Variants in ERBB4 observed in about 807,000 individuals in gnomAD.
The protein encoded by ERBB4 is erb-b2 receptor tyrosine kinase 4, also known as receptor tyrosine-protein kinase erbB-4.
ERBB4 carries 42 observed loss-of-function variants against 158.0 expected under a neutral mutation model. The ratio of observed to expected loss-of-function variants is 0.27; its 90% CI spans 0.21 to 0.34. The LOEUF (loss-of-function observed/expected upper bound fraction) is 0.34. Among genes scored for constraint, ERBB4 ranks in the 10% least tolerant of loss-of-function variants. The probability of loss-of-function intolerance (pLI) is 1.00; values close to 1 mark genes in which losing one functional copy is unlikely to be tolerated. For synonymous variants in ERBB4, 583 were observed against 558.7 expected (o/e 1.04, Z -0.61); for missense variants, 1,333 against 1,624.1 (o/e 0.82, Z 3.08).
At chr2:212,157,261 C>G (rs1443631645) in intron 1 of ERBB4, among the ~76,000 whole-genome samples, 2 of 152,058 alleles carry the variant, frequency 1.3e-5, no homozygotes, top group East Asian at 3.9e-4. Flanking sequence ...TGACTAACCT[C>G]AGCTGATGTC....
intron 14 of ERBB4, among the ~76,000 whole-genome samples, chr2:211,672,620 G>T (rs1339499100): frequency 6.6e-6 from 1 of 152,058 alleles, no homozygotes; most frequent in Non-Finnish European, 1.5e-5. Context: ...CTTTCACAGT[G>T]CCACAACAGT....
chr2:212,211,970 C>A (rs1429399329), intron 1 of ERBB4, among the ~76,000 whole-genome samples: 1 of 152,084 alleles, frequency 6.6e-6, no homozygotes, highest in African/African-American at 2.4e-5. Context: ...CAGTGATGGG[C>A]ATTTGGGTTG....
intron 25 of ERBB4, among the ~76,000 whole-genome samples, chr2:211,416,330 A>G (rs2063390452): frequency 6.6e-6 from 1 of 152,182 alleles, no homozygotes; most frequent in Non-Finnish European, 1.5e-5. Flanking sequence ...AACAAAAAAG[A>G]AAGAAAAAAA....
At chr2:212,173,660 C>A (rs2125676657) in intron 1 of ERBB4, among the ~76,000 whole-genome samples, 1 of 152,226 alleles carries the variant, frequency 6.6e-6, no homozygotes, top group South Asian at 2.1e-4. Context: ...GAAATGAATC[C>A]TTAAACCACT....
At position 211,773,629 on chromosome 2, in the gene ERBB4, T is replaced by TATATATATATATA. The variant is rs1559506226; in HGVS notation, c.556+14383_556+14395dup. On this transcript the variant is annotated intron_variant, in intron 4 of 27. Transcript: ENST00000342788. ...ATATATATATATATATATATATATATATATATATATATATATATAATATAT... is the reference window on the plus strand; with the variant it reads ...ATATATATATATATATATATATATATATATATATATATAATATATATATATATATATAATATAT... Among the ~76,000 whole-genome samples, 65 of 51,060 alleles carry TATATATATATATA rather than the reference T, an allele frequency of 1.3e-3. 1 individual carries two copies. Among genetic ancestry groups the TATATATATATATA allele is most frequent in the Middle Eastern group, 8.5e-3 (1 of 118 alleles). The allele number at this position is 51,060 out of a possible 152,430, so 33.5% of individuals were successfully genotyped here. A position where few individuals can be genotyped will look rare whatever the true frequency, so the allele number is the denominator to read the frequency against.
intron 1 of ERBB4, among the ~76,000 whole-genome samples, chr2:212,533,034 T>C (rs1240405550): frequency 6.6e-6 from 1 of 152,186 alleles, no homozygotes; most frequent in Non-Finnish European, 1.5e-5. Context: ...AATTGGAAAA[T>C]ACGGCAATTT....
At chr2:211,975,858 C>T (rs1357197597) in intron 2 of ERBB4, among the ~76,000 whole-genome samples, 2 of 152,142 alleles carry the variant, frequency 1.3e-5, no homozygotes, top group Non-Finnish European at 2.9e-5. Flanking sequence ...ACATTATTTT[C>T]AACCAAAACA....
At chr2:211,635,318 A>C (rs189414977) in intron 16 of ERBB4, among the ~76,000 whole-genome samples, 67 of 152,346 alleles carry the variant, frequency 4.4e-4, no homozygotes, top group Non-Finnish European at 8.1e-4. Flanking sequence ...AATTTTGCTA[A>C]TTTATTTAAA....
intron 20 of ERBB4, among the ~76,000 whole-genome samples, chr2:211,469,768 A>G (rs1559199827): frequency 6.6e-6 from 1 of 152,200 alleles, no homozygotes. Context: ...ACTCAGGTAC[A>G]TAACTTTGCA....
chr2:212,079,332 A>T (rs889886206), intron 2 of ERBB4, among the ~76,000 whole-genome samples: 3 of 151,972 alleles, frequency 2.0e-5, no homozygotes, highest in Non-Finnish European at 4.4e-5. Context: ...CTATTGCTTC[A>T]TTAATACAAT....
chr2:212,278,321 TG>T, intron 1 of ERBB4, among the ~76,000 whole-genome samples: 1 of 151,902 alleles, frequency 6.6e-6, no homozygotes, highest in East Asian at 1.9e-4. Context: ...TTTTATTTTT[TG>T]TGTAACAGAC....
chr2:212,264,789 T>C (rs1487582966), intron 1 of ERBB4, among the ~76,000 whole-genome samples: 4 of 152,136 alleles, frequency 2.6e-5, no homozygotes, highest in Admixed American at 6.6e-5. Context: ...ATCTTTAGTC[T>C]ACTAAATGAA....
At chr2:211,848,498 C>T (rs1486785073) in intron 3 of ERBB4, among the ~76,000 whole-genome samples, 5 of 152,006 alleles carry the variant, frequency 3.3e-5, no homozygotes, top group Non-Finnish European at 5.9e-5. Context: ...GCTGCACTGA[C>T]CACCTGACTT....
chr2:212,447,393 T>A (rs928663543), intron 1 of ERBB4, among the ~76,000 whole-genome samples: 1 of 152,050 alleles, frequency 6.6e-6, no homozygotes, highest in African/African-American at 2.4e-5. Flanking sequence ...TTTTCTATTT[T>A]AAAAAAATGT....
chr2:211,397,697 T>A (rs945883589), intron 25 of ERBB4, among the ~76,000 whole-genome samples: 1 of 152,192 alleles, frequency 6.6e-6, no homozygotes, highest in African/African-American at 2.4e-5. Flanking sequence ...CCGTGATTCT[T>A]TATTCCTAAC....
intron 2 of ERBB4, among the ~76,000 whole-genome samples, chr2:212,021,922 A>G (rs1056196210): frequency 4.6e-5 from 7 of 152,292 alleles, no homozygotes; most frequent in African/African-American, 1.7e-4. Context: ...TACGAAGAAA[A>G]GCTCAACATC....
chr2:211,492,311 G>A (rs1461626573), intron 20 of ERBB4, among the ~76,000 whole-genome samples: 1 of 152,032 alleles, frequency 6.6e-6, no homozygotes, highest in Admixed American at 6.6e-5. Context: ...ATATATAGAT[G>A]GCAAAGTTTA....
intron 1 of ERBB4, among the ~76,000 whole-genome samples, chr2:212,471,567 G>A (rs1351208619): frequency 6.6e-6 from 1 of 151,828 alleles, no homozygotes; most frequent in Non-Finnish European, 1.5e-5. Flanking sequence ...TTATCCATCT[G>A]TGCAAAGAAA....
chr2:212,476,817 C>T (rs959127954), intron 1 of ERBB4, among the ~76,000 whole-genome samples: 1 of 152,084 alleles, frequency 6.6e-6, no homozygotes, highest in Non-Finnish European at 1.5e-5. Context: ...TAAGTATATA[C>T]CCTCAAGACA....
Sources: gnomAD v4.1 joint callset for allele counts (sites outside exome capture counted in the v4.1 genomes callset) on GRCh38, gnomAD v4.1.1 for gene constraint, MANE v1.5 for transcripts, NCBI Gene and HGNC (gene_info 2026-07-23, HGNC 2026-07-21) for gene names.